The following GLIS3 variants were observed in gnomAD, a reference collection of about 807,000 sequenced individuals.
GLIS3 encodes the protein GLIS family zinc finger 3, also known as zinc finger protein GLIS3.
GLIS3 carries 53 observed loss-of-function variants against 78.6 expected under a neutral mutation model. That is an observed-to-expected ratio of 0.67 (90% CI 0.54 to 0.85). GLIS3 has a LOEUF of 0.85. Ranked by LOEUF, GLIS3 falls within the 40% of genes least tolerant of loss-of-function variation. The pLI, the probability that GLIS3 is intolerant of heterozygous loss-of-function variation, is 0.00. For synonymous variants in GLIS3, 684 were observed against 509.9 expected (o/e 1.34, Z -4.60); for missense variants, 1,703 against 1,231.1 (o/e 1.38, Z -5.74).
intron 2 of GLIS3, among the ~76,000 whole-genome samples, chr9:4,179,697 G>C (rs193237224): frequency 9.9e-5 from 15 of 152,236 alleles, no homozygotes; most frequent in African/African-American, 3.6e-4. Context: ...ATCAGCTGAG[G>C]TTAGGAGTTC....
At chr9:4,469,060 G>A in the GLIS3 span, among the ~76,000 whole-genome samples, 1 of 152,122 alleles carries the variant, frequency 6.6e-6, no homozygotes. Flanking sequence ...TAATGGTAAA[G>A]GGATCAATTC....
rs548804934 is a variant in GLIS3 at position 4,244,572 on chromosome 9, G to A, written c.388+41466C>T. Among the ~76,000 whole-genome samples the A allele has an allele frequency of 1.2e-3, 187 of 151,972 alleles. 1 individual carries two copies. The highest frequency in any genetic ancestry group is 2.1e-3 in the Non-Finnish European group (141 of 67,906). On this transcript the variant is annotated intron_variant, in intron 2 of 10. Coordinates refer to ENST00000381971, the MANE Select transcript of GLIS3 (RefSeq NM_001042413.2). ...GTAGATATCTGTTAAAGATCTCAAG[G>A]AATTTTTTTTCTTTTTTTTGAGACG...
At chr9:3,910,142 C>T (rs1020730626) in intron 6 of GLIS3, among the ~76,000 whole-genome samples, 6 of 152,050 alleles carry the variant, frequency 3.9e-5, no homozygotes, top group Non-Finnish European at 7.4e-5. Context: ...ACTACAGATC[C>T]ACCCCCCTGT....
intron 8 of GLIS3, among the ~76,000 whole-genome samples, chr9:3,856,665 C>A (rs1588095831): frequency 6.6e-6 from 1 of 152,170 alleles, no homozygotes; most frequent in African/African-American, 2.4e-5. Flanking sequence ...TTATTATGAG[C>A]CTCTCTAATC....
the GLIS3 span, among the ~76,000 whole-genome samples, chr9:4,471,541 C>G: frequency 1.3e-5 from 2 of 152,166 alleles, no homozygotes; most frequent in Non-Finnish European, 2.9e-5. Flanking sequence ...GCTGGGAAAA[C>G]TGGCTAGCCG....
the GLIS3 span, among the ~76,000 whole-genome samples, chr9:4,440,527 T>C: frequency 3.3e-5 from 5 of 152,242 alleles, no homozygotes; most frequent in African/African-American, 1.2e-4. Flanking sequence ...CTCTATTCTG[T>C]TCCATTAGTT....
At chr9:4,259,455 G>A (rs7033923) in intron 2 of GLIS3, among the ~76,000 whole-genome samples, 25,553 of 151,948 alleles carry the variant, frequency 0.17, 2,642 homozygotes, top group East Asian at 0.23. Flanking sequence ...AAAATACAAG[G>A]AAGTTAGGGG....
intron 4 of GLIS3, among the ~76,000 whole-genome samples, chr9:4,056,239 G>A (rs927960342): frequency 3.3e-5 from 5 of 152,192 alleles, no homozygotes; most frequent in African/African-American, 1.2e-4. Flanking sequence ...AGCTCACAGA[G>A]CCTACATTTA....
rs11999587 is a variant in GLIS3, at chr9:4,077,280, C to T, written c.1710+40488G>A. Among the ~76,000 whole-genome samples, 1,150 of 152,230 alleles carry T rather than the reference C, an allele frequency of 7.6e-3. 13 individuals carry two copies. Among genetic ancestry groups the T allele is most frequent in the African/African-American group, 0.026 (1,089 of 41,532 alleles). ...ATTCCTAGAAGTGTAATTGTTAATA[C>T]AGAAAGTATGCACATTCTTAAGGCT... On this transcript the variant is annotated intron_variant, in intron 4 of 10. Coordinates refer to ENST00000381971, the MANE Select transcript of GLIS3 (RefSeq NM_001042413.2).
At chr9:4,268,364 T>C (rs1483670660) in intron 2 of GLIS3, among the ~76,000 whole-genome samples, 1 of 152,208 alleles carries the variant, frequency 6.6e-6, no homozygotes, top group Non-Finnish European at 1.5e-5. Flanking sequence ...GTGTTATCTA[T>C]GTATTGCCTA....
chr9:4,152,416 T>C (rs191548344), intron 2 of GLIS3, among the ~76,000 whole-genome samples: 1 of 152,332 alleles, frequency 6.6e-6, no homozygotes, highest in East Asian at 1.9e-4. Context: ...TTAATGTAGA[T>C]TATGAGGATT....
the GLIS3 span, among the ~76,000 whole-genome samples, chr9:4,417,540 G>T: frequency 6.6e-6 from 1 of 152,040 alleles, no homozygotes; most frequent in Non-Finnish European, 1.5e-5. Flanking sequence ...TATATAGTTT[G>T]TTCTTGCTGT....
intron 4 of GLIS3, among the ~76,000 whole-genome samples, chr9:3,988,934 T>C (rs557453337): frequency 2.0e-5 from 3 of 152,288 alleles, no homozygotes; most frequent in Admixed American, 2.0e-4. Flanking sequence ...TTAGAAACTT[T>C]TGTTTGGTGA....
the GLIS3 span, among the ~76,000 whole-genome samples, chr9:4,438,621 T>G: frequency 6.6e-6 from 1 of 152,300 alleles, no homozygotes; most frequent in Admixed American, 6.5e-5. Context: ...CACCTTGAAT[T>G]GTAATAATCC....
intron 2 of GLIS3, among the ~76,000 whole-genome samples, chr9:4,195,790 G>C (rs1011389751): frequency 2.6e-5 from 4 of 152,262 alleles, no homozygotes; most frequent in Non-Finnish European, 5.9e-5. Flanking sequence ...GAGGATTGTG[G>C]ATGCACCAAC....
chr9:4,171,251 G>A (rs1448981112), intron 2 of GLIS3, among the ~76,000 whole-genome samples: 1 of 152,098 alleles, frequency 6.6e-6, no homozygotes, highest in East Asian at 1.9e-4. Context: ...AAAGATAAAA[G>A]GTTCTATTTA....
intron 4 of GLIS3, among the ~76,000 whole-genome samples, chr9:4,066,037 T>TAA (rs375649097): frequency 0.035 from 3,334 of 95,704 alleles, 87 homozygotes; most frequent in African/African-American, 0.1. Flanking sequence ...ACCCAAAGAA[T>TAA]ATAAAAAAAA....
intron 2 of GLIS3, among the ~76,000 whole-genome samples, chr9:4,260,525 C>T (rs1825415101): frequency 6.6e-6 from 1 of 151,128 alleles, no homozygotes; most frequent in Non-Finnish European, 1.5e-5. Flanking sequence ...CAAGATTGTG[C>T]CACTGAACTC....
chr9:3,841,402 T>C (rs1408276094), intron 9 of GLIS3, among the ~76,000 whole-genome samples: 2 of 152,190 alleles, frequency 1.3e-5, no homozygotes, highest in Non-Finnish European at 2.9e-5. Context: ...GTACTAGCTG[T>C]GTGGCTTTGA....
Sources: gnomAD v4.1 joint callset for allele counts (sites outside exome capture counted in the v4.1 genomes callset) on GRCh38, gnomAD v4.1.1 for gene constraint, MANE v1.5 for transcripts, NCBI Gene and HGNC (gene_info 2026-07-23, HGNC 2026-07-21) for gene names.